Variants in PTBP3 observed in about 807,000 individuals in gnomAD.
The protein encoded by PTBP3 is polypyrimidine tract-binding protein 3.
A neutral mutation model predicts 58.7 loss-of-function variants in PTBP3; 20 were observed. The observed-to-expected ratio is 0.34, with a 90% confidence interval of 0.24 to 0.50. PTBP3 has a LOEUF of 0.50. Ranked by LOEUF, PTBP3 falls within the 20% of genes least tolerant of loss-of-function variation. The probability of loss-of-function intolerance (pLI) is 0.98; values close to 1 mark genes in which losing one functional copy is unlikely to be tolerated. For synonymous variants in PTBP3, 185 were observed against 219.8 expected (o/e 0.84, Z 1.40); for missense variants, 509 against 637.2 (o/e 0.80, Z 2.17).
At chr9:112,317,459 G>A (rs1239115269) in intron 1 of PTBP3, among the ~76,000 whole-genome samples, 4 of 151,036 alleles carry the variant, frequency 2.6e-5, no homozygotes, top group African/African-American at 7.3e-5. Context: ...ATAGAAAGAA[G>A]GAAATAAAGA....
At chr9:112,280,717 T>C (rs939119801) in intron 2 of PTBP3, among the ~76,000 whole-genome samples, 1 of 152,100 alleles carries the variant, frequency 6.6e-6, no homozygotes, top group African/African-American at 2.4e-5. Flanking sequence ...TCATGACACA[T>C]GTACCATGAT....
intron 2 of PTBP3, among the ~76,000 whole-genome samples, chr9:112,292,912 G>T (rs1183557585): frequency 2.6e-5 from 4 of 151,958 alleles, no homozygotes; most frequent in Admixed American, 2.6e-4. Context: ...TTGTATTTTT[G>T]ACCAAAATGA....
chr9:112,258,984 C>T (rs1448399070), intron 5 of PTBP3, among the ~76,000 whole-genome samples: 12 of 152,278 alleles, frequency 7.9e-5, no homozygotes, highest in African/African-American at 2.4e-4. Context: ...CAGGGTTTCA[C>T]TCTGTCATCC....
chr9:112,265,723 G>T (rs1836773499), intron 4 of PTBP3, among the ~76,000 whole-genome samples: 2 of 152,188 alleles, frequency 1.3e-5, no homozygotes, highest in Non-Finnish European at 2.9e-5. Flanking sequence ...GCATGAGTGT[G>T]TGTACATATG....
intron 2 of PTBP3, among the ~76,000 whole-genome samples, chr9:112,295,601 TAAA>T (rs35276003): frequency 1.1e-5 from 1 of 92,494 alleles, no homozygotes; most frequent in Admixed American, 1.2e-4. Flanking sequence ...GTTCTGTTGG[TAAA>T]AAAAAAAAAA....
intron 1 of PTBP3, among the ~76,000 whole-genome samples, chr9:112,309,867 C>T (rs1013880176): frequency 1.3e-5 from 2 of 152,038 alleles, no homozygotes; most frequent in Non-Finnish European, 2.9e-5. Flanking sequence ...GCATTCATTG[C>T]GTGGCACTAC....
chr9:112,235,320 G>A (rs558758619), intron 7 of PTBP3, among the ~76,000 whole-genome samples: 5 of 152,184 alleles, frequency 3.3e-5, no homozygotes, highest in African/African-American at 1.2e-4. Flanking sequence ...TCATGATGAG[G>A]GTCGAAAGGT....
chr9:112,347,498 C>G, the PTBP3 span, among the ~76,000 whole-genome samples: 1 of 151,986 alleles, frequency 6.6e-6, no homozygotes, highest in African/African-American at 2.4e-5. Flanking sequence ...TGTGCCACCA[C>G]GCCTGGCTAA....
chr9:112,288,791 G>A (rs1266764116), intron 2 of PTBP3, among the ~76,000 whole-genome samples: 3 of 152,170 alleles, frequency 2.0e-5, no homozygotes, highest in Admixed American at 2.0e-4. Flanking sequence ...TTAAGCTATT[G>A]CTTAATAATT....
chr9:112,234,587 A>G (rs1010926887), intron 8 of PTBP3, among the ~76,000 whole-genome samples: 2 of 152,232 alleles, frequency 1.3e-5, no homozygotes, highest in Non-Finnish European at 2.9e-5. Context: ...AAAAGCAAAC[A>G]TAAATGATGC....
intron 1 of PTBP3, among the ~76,000 whole-genome samples, chr9:112,320,285 A>ATATATATATAT (rs1245303665): frequency 2.5e-5 from 1 of 40,122 alleles, no homozygotes; most frequent in African/African-American, 2.6e-4. Flanking sequence ...CTCTTAAAAA[A>ATATATATATAT]AAAAAAATAT....
chr9:112,364,131 A>G, the PTBP3 span, among the ~76,000 whole-genome samples: 2 of 144,292 alleles, frequency 1.4e-5, no homozygotes, highest in Non-Finnish European at 3.0e-5. Flanking sequence ...GCTTAGTAAT[A>G]TGCATTTAAC....
At chr9:112,269,720 G>T (rs1373993846) in intron 3 of PTBP3, among the ~76,000 whole-genome samples, 1 of 152,122 alleles carries the variant, frequency 6.6e-6, no homozygotes, top group Non-Finnish European at 1.5e-5. Flanking sequence ...GACTGTATGG[G>T]ATTTTTCAGA....
the PTBP3 span, among the ~76,000 whole-genome samples, chr9:112,379,344 T>C: frequency 6.6e-6 from 1 of 152,250 alleles, no homozygotes; most frequent in African/African-American, 2.4e-5. Context: ...CTACAGTCTT[T>C]AGCTCATCAG....
In PTBP3 at chr9:112,303,209, C is replaced by A. The variant is rs141386538; in HGVS notation, c.-51-5293G>T. 4.5e-4 allele frequency among the ~76,000 whole-genome samples: 68 copies of A among 152,016 alleles called. 1 individual carries two copies. The East Asian group carries it at 0.013, about 29-fold the overall frequency. On this transcript the variant is annotated intron_variant, in intron 1 of 13. Coordinates refer to ENST00000374257, the MANE Select transcript of PTBP3 (RefSeq NM_001163788.4). The stretch of plus-strand genomic sequence containing the variant: ...TTATGATATTATCCTGCTTCAAGCA[C>A]TATCCCTTTGCTACATACCCAATCC...
At chr9:112,321,702 C>T (rs1016224536) in intron 1 of PTBP3, among the ~76,000 whole-genome samples, 7 of 152,112 alleles carry the variant, frequency 4.6e-5, no homozygotes, top group Non-Finnish European at 8.8e-5. Flanking sequence ...TCTGCTGGAA[C>T]TATAAATTGA....
chr9:112,368,314 G>T, the PTBP3 span, among the ~76,000 whole-genome samples: 1 of 152,202 alleles, frequency 6.6e-6, no homozygotes, highest in Non-Finnish European at 1.5e-5. Context: ...GGGATTACAG[G>T]CGTGCGCCAC....
chr9:112,266,745 A>C (rs182126106), intron 4 of PTBP3, among the ~76,000 whole-genome samples: 1 of 152,240 alleles, frequency 6.6e-6, no homozygotes, highest in Non-Finnish European at 1.5e-5. Flanking sequence ...AAAATTAGAT[A>C]TATAGACATC....
chr9:112,270,992 T>A (rs1440403414), intron 3 of PTBP3, among the ~76,000 whole-genome samples: 4 of 151,744 alleles, frequency 2.6e-5, no homozygotes, highest in Non-Finnish European at 5.9e-5. Flanking sequence ...ACACCCGGCT[T>A]ATTTTTGTAT....
Sources: allele counts gnomAD v4.1 joint callset (sites outside exome capture counted in the v4.1 genomes callset), GRCh38; gene constraint gnomAD v4.1.1; transcripts MANE v1.5; gene names NCBI Gene and HGNC (gene_info 2026-07-23, HGNC 2026-07-21).